The following CHGA variants were observed in gnomAD, a reference collection of about 807,000 sequenced individuals.
CHGA encodes chromogranin-A.
In CHGA, 41 loss-of-function variants were observed where a neutral mutation model predicts 54.4. That is an observed-to-expected ratio of 0.75 (90% confidence interval 0.59 to 0.98). CHGA has a LOEUF of 0.98. CHGA is among the 50% of genes least tolerant of loss of function. The pLI is 0.00. For missense variants in CHGA, 576 were observed against 582.3 expected (o/e 0.99, Z 0.11); for synonymous variants, 249 against 232.8 (o/e 1.07, Z -0.63).
In CHGA at chr14:92,932,161, T is replaced by A; in HGVS notation, c.809-209T>A. 1 of 575,100 alleles carries A rather than the reference T, an allele frequency of 1.7e-6. No individual in the cohort carries two copies. The allele number at this position is 575,100 out of a possible 1,614,324, so 35.6% of individuals were successfully genotyped here. On this transcript the variant is annotated intron_variant, in intron 6 of 7. Transcript: ENST00000216492. This position sits in a 1 kb window ranked among gnomAD's most constrained non-coding sequence, Gnocchi z 5.3. ...AGCTGCCGGGCTTCTGGGGTGAGGA[T>A]GAGGGGAAGAGGCAGGCTCCAGCTA...
Position 92,931,812 on chromosome 14 carries a change from GGT to G in CHGA, c.808+111_808+112del, listed in dbSNP as rs1887005498. 5 of 1,135,012 alleles carry G rather than the reference GGT, an allele frequency of 4.4e-6. No individual in the cohort carries two copies. In the South Asian group the frequency reaches 7.8e-5, roughly 18 times the overall value. 70.3% of individuals were successfully genotyped at this position (1,135,012 alleles called of 1,614,324 possible). A position where few individuals can be genotyped will look rare whatever the true frequency, so the allele number is the denominator to read the frequency against. On this transcript the variant is annotated intron_variant, in intron 6 of 7. Coordinates refer to ENST00000216492, the MANE Select transcript of CHGA (RefSeq NM_001275.4). The stretch of plus-strand genomic sequence containing the variant: ...ACCTTCATAACAACCCTGAAAGGTA[GGT>G]ATTAGCTCCATTTCCCAGGTGGACA...
intron 7 of CHGA, 173 bp downstream of exon 7, chr14:92,933,024 C>A (rs777845571): frequency 1.5e-5 from 15 of 972,658 alleles, no homozygotes; most frequent in Non-Finnish European, 2.1e-5. Context: ...CCCCAGCTCA[C>A]AGGGGGCACC....
At chr14:92,925,839 A>C (rs1370454114) in intron 2 of CHGA, among the ~76,000 whole-genome samples, 1 of 152,166 alleles carries the variant, frequency 6.6e-6, no homozygotes, top group Non-Finnish European at 1.5e-5. Context: ...AGGTTAAGTC[A>C]CTTCTCCAAG....
In CHGA at chr14:92,927,555, C is replaced by T. The variant is rs776721726; in HGVS notation, c.193C>T (p.Arg65Trp). The T allele has an allele frequency of 3.9e-5, 63 of 1,612,886 alleles. No individual in the cohort carries two copies. The highest frequency in any genetic ancestry group is 1.7e-5 in the Admixed American group (1 of 59,886). The part of the protein sequence containing the change: ...ECFETLRGDE[R>W]ILSILRHQNL... ...ATGACTCTTCTTCATTGCAGATGAA[C>T]GGATCCTTTCCATTCTGAGACATCA... The change falls in exon 4 of 8, where the codon CGG becomes TGG. Residue 65 changes from arginine to tryptophan, a missense_variant. By Grantham distance (101) the Arg-to-Trp change is moderately radical. Coordinates refer to ENST00000216492, the MANE Select transcript of CHGA (RefSeq NM_001275.4).
rs1294682372 is a variant in CHGA, at chr14:92,932,475, A to G, written c.914A>G (p.Glu305Gly). 4 of 1,556,278 alleles carry G rather than the reference A, an allele frequency of 2.6e-6. No homozygotes were observed. The highest frequency in any genetic ancestry group is 3.5e-6 in the Non-Finnish European group (4 of 1,149,836). Residue 305 changes from glutamate to glycine, a missense_variant, in exon 7 of 8, where the codon GAG (glutamate) becomes GGG (glycine). Transcript: ENST00000216492. This position sits in a 1 kb window ranked among gnomAD's most constrained non-coding sequence, Gnocchi z 5.3. The stretch of plus-strand genomic sequence containing the variant: ...CAGGAGCACTCCCAGCAGAAAGAGG[A>G]GGAGGAGGAGATGGCAGTGGTCCCG... ...GEQEHSQQKE[E>G]EEEMAVVPQG...
At chr14:92,924,870 T>C (rs1332086280) in intron 2 of CHGA, among the ~76,000 whole-genome samples, 1 of 152,186 alleles carries the variant, frequency 6.6e-6, no homozygotes, top group Non-Finnish European at 1.5e-5. Context: ...TACTTGGAAT[T>C]CATTCATGGC....
Position 92,934,933 on chromosome 14 carries a change from T to C in CHGA, c.*49T>C. 6.8e-7 allele frequency: 1 copy of C among 1,477,008 alleles called. No homozygotes were observed. The highest frequency in any genetic ancestry group is 1.3e-5 in the South Asian group (1 of 78,456). 91.5% of individuals were successfully genotyped at this position (1,477,008 alleles called of 1,614,324 possible). On this transcript the variant is annotated 3_prime_UTR_variant, in exon 8 of 8. Coordinates refer to ENST00000216492, the MANE Select transcript of CHGA (RefSeq NM_001275.4). ...CCAGGGCACCCTGTGGCCCTGGCTC[T>C]GCTGTCCCCTTGGCAGGTCCTGGCC...
rs992190420 is a variant in CHGA, at chr14:92,932,078, G to A, written c.809-292G>A. 12 of 445,260 alleles carry A rather than the reference G, an allele frequency of 2.7e-5. No individual in the cohort carries two copies. The Middle Eastern group carries it at 1.8e-3, about 65-fold the overall frequency. 27.6% of individuals were successfully genotyped at this position (445,260 alleles called of 1,614,324 possible). A position where few individuals can be genotyped will look rare whatever the true frequency, so the allele number is the denominator to read the frequency against. On this transcript the variant is annotated intron_variant, in intron 6 of 7. Transcript: ENST00000216492. This position sits in a 1 kb window ranked among gnomAD's most constrained non-coding sequence, Gnocchi z 5.3. ...TGGGAACAGTGTCAGCTTCAACTAC[G>A]GTTTAGGAGAGGCCCTGGCTCCCGC...
At chr14:92,930,183 A>T (rs537954343) in intron 5 of CHGA, among the ~76,000 whole-genome samples, 199 of 152,350 alleles carry the variant, frequency 1.3e-3, no homozygotes, top group African/African-American at 4.6e-3. Flanking sequence ...CCTCCTGGGA[A>T]GTGGTGGGGC....
Position 92,929,751 on chromosome 14 carries a change from C to G in CHGA, c.291C>G (p.His97Gln), listed in dbSNP as rs1044654737. Residue 97 changes from histidine (H) to glutamine (Q), a missense_variant, in exon 5 of 8, where the codon CAC becomes CAG. His to Gln is a conservative substitution (Grantham distance 24). Coordinates refer to ENST00000216492, the MANE Select transcript of CHGA (RefSeq NM_001275.4). ...AGAGGGCACATCAGCAGAAGAAACACAGCGGTTTTGAAGATGAACTCTCAG... is the reference window on the plus strand; with the variant it reads ...AGAGGGCACATCAGCAGAAGAAACAGAGCGGTTTTGAAGATGAACTCTCAG... ...AKERAHQQKK[H>Q]SGFEDELSEV... is the part of the protein sequence containing the mutation. The G allele has an allele frequency of 6.2e-7, 1 of 1,613,942 alleles. No homozygotes were observed. Among genetic ancestry groups the G allele is most frequent in the Non-Finnish European group, 8.5e-7 (1 of 1,180,030 alleles).
intron 1 of CHGA, 87 bp downstream of exon 1, chr14:92,923,492 C>A: frequency 8.8e-7 from 1 of 1,132,882 alleles, no homozygotes; most frequent in South Asian, 4.3e-5. Flanking sequence ...GCCCCGCACC[C>A]CTCCACACTT....
intron 7 of CHGA, among the ~76,000 whole-genome samples, chr14:92,934,287 C>T (rs568530074): frequency 2.6e-5 from 4 of 152,342 alleles, no homozygotes; most frequent in Admixed American, 6.5e-5. Flanking sequence ...CTCTCACAAT[C>T]AGGACCAGGG....
At chr14:92,927,330 G>T (rs992498761) in intron 3 of CHGA, among the ~76,000 whole-genome samples, 2 of 152,212 alleles carry the variant, frequency 1.3e-5, no homozygotes, top group Non-Finnish European at 2.9e-5. Flanking sequence ...AGGTCTGGCT[G>T]CTGGGGCAGT....
At chr14:92,931,206 T>C (rs1254954990) in intron 5 of CHGA, 44 bp from the exon 6 acceptor site, 1 of 1,547,404 alleles carries the variant, frequency 6.5e-7, no homozygotes, top group Admixed American at 1.9e-5. Context: ...GCCCCACACG[T>C]GGCCCAGTCC....
At chr14:92,925,737 G>A (rs140721872) in intron 2 of CHGA, among the ~76,000 whole-genome samples, 1 of 152,308 alleles carries the variant, frequency 6.6e-6, no homozygotes, top group Non-Finnish European at 1.5e-5. Context: ...GCTTGAAAGA[G>A]TGTTTTTCCA....
intron 5 of CHGA, 143 bp from the exon 6 acceptor site, chr14:92,931,107 A>G (rs1886984058): frequency 1.3e-6 from 1 of 746,780 alleles, no homozygotes; most frequent in Non-Finnish European, 2.2e-6. Flanking sequence ...GGACATGGAC[A>G]GAGGGGTAAC....
intron 4 of CHGA, among the ~76,000 whole-genome samples, chr14:92,928,764 T>C (rs1319760941): frequency 2.0e-5 from 3 of 152,208 alleles, no homozygotes; most frequent in Admixed American, 2.0e-4. Context: ...AATATATGTA[T>C]ATATGACTAT....
chr14:92,934,092 C>T (rs746873514), intron 7 of CHGA, among the ~76,000 whole-genome samples: 8 of 152,196 alleles, frequency 5.3e-5, no homozygotes, highest in African/African-American at 1.7e-4. Context: ...GCAGTGACCC[C>T]GGGAAAATGA....
In CHGA at chr14:92,931,490, C is replaced by T; in HGVS notation, c.596C>T (p.Ala199Val). 1 of 1,612,010 alleles carries T rather than the reference C, an allele frequency of 6.2e-7. No homozygotes were observed. Among genetic ancestry groups the T allele is most frequent in the South Asian group, 1.1e-5 (1 of 90,722 alleles). The change falls in exon 6 of 8, where the codon GCC becomes GTC. Residue 199 changes from alanine to valine, a missense_variant. Coordinates refer to ENST00000216492, the MANE Select transcript of CHGA (RefSeq NM_001275.4). ...AGCCAGAAATACCCAGGCCCACAGG[C>T]CGAGGGGGACAGTGAGGGCCTCTCT... is the stretch of plus-strand genomic sequence containing the variant. The part of the protein sequence containing the change: ...LPSQKYPGPQ[A>V]EGDSEGLSQG...
Sources: gnomAD v4.1 joint callset for allele counts (sites outside exome capture counted in the v4.1 genomes callset) on GRCh38, gnomAD v4.1.1 for gene constraint, Gnocchi (gnomAD v3.1) non-coding constraint, MANE v1.5 for transcripts, NCBI Gene and HGNC (gene_info 2026-07-23, HGNC 2026-07-21) for gene names.